Variants in CLPSL1 observed in about 807,000 individuals in gnomAD.
CLPSL1 encodes colipase-like protein 1.
Under a neutral mutation model 9.3 loss-of-function variants are expected in CLPSL1, and 13 were observed. The ratio of observed to expected loss-of-function variants is 1.40; its 90% CI spans 0.91 to 2.22. The LOEUF is 2.22. Ranked by LOEUF, CLPSL1 falls within the 30% of genes most tolerant of loss-of-function variation. The probability of loss-of-function intolerance (pLI) is 0.00; values close to 1 mark genes in which losing one functional copy is unlikely to be tolerated. For synonymous variants in CLPSL1, 58 were observed against 56.9 expected (o/e 1.02, Z -0.08); for missense variants, 164 against 146.6 (o/e 1.12, Z -0.61).
downstream of CLPSL1, chr6:35,793,743 G>A: frequency 2.7e-6 from 1 of 370,396 alleles, no homozygotes; most frequent in African/African-American, 2.1e-5. Context: ...GTTACAGGAG[G>A]ATTCATTGAT....
chr6:35,791,807 C>A (rs369887050), downstream of CLPSL1, among the ~76,000 whole-genome samples: 1 of 152,114 alleles, frequency 6.6e-6, no homozygotes, highest in Non-Finnish European at 1.5e-5. Context: ...GAGGCTCACA[C>A]CTATAATCCT....
downstream of CLPSL1, among the ~76,000 whole-genome samples, chr6:35,788,672 G>A (rs1426059736): frequency 6.6e-6 from 1 of 152,256 alleles, no homozygotes; most frequent in Non-Finnish European, 1.5e-5. Flanking sequence ...GGAGGCAAGA[G>A]AAAAGAGGGA....
downstream of CLPSL1, among the ~76,000 whole-genome samples, chr6:35,791,353 G>T (rs980075723): frequency 6.6e-6 from 1 of 152,276 alleles, no homozygotes; most frequent in Non-Finnish European, 1.5e-5. Flanking sequence ...GCTCACGCCT[G>T]TAATCCTAGC....
At chr6:35,789,022 C>T (rs2817011), downstream of CLPSL1, among the ~76,000 whole-genome samples, 1,493 of 151,908 alleles carry the variant, frequency 9.8e-3, 1 homozygote, top group African/African-American at 0.032. Context: ...GTACTTAGAA[C>T]GCCCCCTTGT....
chr6:35,783,248 C>T (rs368923689), intron 1 of CLPSL1, among the ~76,000 whole-genome samples: 63 of 152,268 alleles, frequency 4.1e-4, no homozygotes, highest in Admixed American at 3.7e-3. Context: ...CAGTGGCTCA[C>T]GCCTGTAATC....
At position 35,788,053 on chromosome 6, in the gene CLPSL1, C is replaced by T. The variant is rs756967714; in HGVS notation, c.*43C>T. 5.5e-6 allele frequency: 8 copies of T among 1,458,904 alleles called. No homozygotes were observed. The highest frequency in any genetic ancestry group is 7.7e-6 in the Non-Finnish European group (8 of 1,041,032). 90.4% of individuals were successfully genotyped at this position (1,458,904 alleles called of 1,614,324 possible). The stretch of plus-strand genomic sequence containing the variant: ...TGCCTCCTCCTCCTCCACCTGCTCT[C>T]CTCCCTACCCAGAGCTCTGTGTTCA... On this transcript the variant is annotated 3_prime_UTR_variant, in exon 3 of 3. Coordinates refer to ENST00000373861, the MANE Select transcript of CLPSL1 (RefSeq NM_001010886.5).
At position 35,785,174 on chromosome 6, in the gene CLPSL1, A is replaced by ATTTTT. The variant is rs34500810; in HGVS notation, c.100-1807_100-1803dup. Among the ~76,000 whole-genome samples the ATTTTT allele has an allele frequency of 1.3e-3, 148 of 115,692 alleles. 3 individuals are homozygous for ATTTTT. Among genetic ancestry groups the ATTTTT allele is most frequent in the Admixed American group, 0.011 (109 of 10,056 alleles). 75.9% of individuals were successfully genotyped at this position (115,692 alleles called of 152,430 possible). On this transcript the variant is annotated intron_variant, in intron 1 of 2. Coordinates refer to ENST00000373861, the MANE Select transcript of CLPSL1 (RefSeq NM_001010886.5). ...TTTCCTGTGGAGTGTGCCCCTGGAAATTTTTTTTTTTTTTTTTTTTTGAGA... is the reference window on the plus strand; with the variant it reads ...TTTCCTGTGGAGTGTGCCCCTGGAAATTTTTTTTTTTTTTTTTTTTTTTTTTGAGA...
In CLPSL1 at chr6:35,781,538, G is replaced by C. The variant is rs895889964; in HGVS notation, c.99+329G>C. Reference sequence around the variant, plus strand: ...TATGTAAATTATTTTTCTACATTTAGTGATAGGGCTGTGAGCAAGAAAGAT... The same window carrying C: ...TATGTAAATTATTTTTCTACATTTACTGATAGGGCTGTGAGCAAGAAAGAT... On this transcript the variant is annotated intron_variant, in intron 1 of 2. Coordinates refer to ENST00000373861, the MANE Select transcript of CLPSL1 (RefSeq NM_001010886.5). Among the ~76,000 whole-genome samples the C allele has an allele frequency of 2.0e-5, 3 of 152,100 alleles. No individual in the cohort carries two copies. The South Asian group carries it at 6.2e-4, about 32-fold the overall frequency.
chr6:35,789,697 C>T (rs150718742), downstream of CLPSL1, among the ~76,000 whole-genome samples: 1,577 of 152,094 alleles, frequency 0.01, 9 homozygotes, highest in East Asian at 0.035. Flanking sequence ...AGTTCGAGAC[C>T]AGCCTGGCCA....
In CLPSL1 at chr6:35,787,092, GGTCC is replaced by G. The variant is rs1561941313; in HGVS notation, c.196_199del (p.Ser66ArgfsTer23). 7 of 1,611,196 alleles carry G rather than the reference GGTCC, an allele frequency of 4.3e-6. No individual in the cohort carries two copies. Among genetic ancestry groups the G allele is most frequent in the Admixed American group, 3.4e-5 (2 of 59,422 alleles). On this transcript the variant is annotated frameshift_variant, in exon 2 of 3. Coordinates refer to ENST00000373861, the MANE Select transcript of CLPSL1 (RefSeq NM_001010886.5). LOFTEE classifies it low-confidence loss of function (END_TRUNC). ...TGCGAGTCGCACTGCGCGGAGAAGG[GGTCC>G]GAGGGCAGTCTGTGTCAAACGCAGG...
At chr6:35,789,268 C>A (rs1452972750), downstream of CLPSL1, among the ~76,000 whole-genome samples, 1 of 152,246 alleles carries the variant, frequency 6.6e-6, no homozygotes, top group Non-Finnish European at 1.5e-5. Flanking sequence ...GGGGAGAATA[C>A]AGAGCCCAGA....
intron 1 of CLPSL1, among the ~76,000 whole-genome samples, chr6:35,785,320 G>A (rs969404791): frequency 4.4e-4 from 67 of 151,962 alleles, no homozygotes; most frequent in African/African-American, 1.6e-3. Flanking sequence ...TGGGACTACA[G>A]GCACCCGCCA....
intron 1 of CLPSL1, among the ~76,000 whole-genome samples, chr6:35,781,654 C>G (rs1268994165): frequency 1.3e-5 from 2 of 151,490 alleles, no homozygotes; most frequent in Non-Finnish European, 2.9e-5. Context: ...TAGCATCTAT[C>G]TCAGGTGATA....
chr6:35,793,275 A>C (rs1768256370), intron 1 of CLPSL1, among the ~76,000 whole-genome samples: 1 of 152,246 alleles, frequency 6.6e-6, no homozygotes, highest in Admixed American at 6.5e-5. Flanking sequence ...AATGCAAAAA[A>C]TCAGCCAGGC....
chr6:35,786,694 G>A (rs1035731755), intron 1 of CLPSL1, among the ~76,000 whole-genome samples: 37 of 152,336 alleles, frequency 2.4e-4, no homozygotes, highest in Middle Eastern at 3.4e-3. Flanking sequence ...AGAAGGCTCT[G>A]CAGCAGAATG....
intron 1 of CLPSL1, among the ~76,000 whole-genome samples, chr6:35,782,059 G>GCCAGGGTGCT (rs1767977501): frequency 6.6e-6 from 1 of 152,076 alleles, no homozygotes; most frequent in African/African-American, 2.4e-5. Context: ...GCCAGGGTTT[G>GCCAGGGTGCT]CAGTTTTAAA....
chr6:35,783,300 C>G (rs564913305), intron 1 of CLPSL1, among the ~76,000 whole-genome samples: 1 of 152,224 alleles, frequency 6.6e-6, no homozygotes, highest in Non-Finnish European at 1.5e-5. Flanking sequence ...CACCTGACGT[C>G]AAGAGTTCGA....
downstream of CLPSL1, among the ~76,000 whole-genome samples, chr6:35,788,420 A>G (rs1768131968): frequency 6.6e-6 from 1 of 152,264 alleles, no homozygotes; most frequent in Non-Finnish European, 1.5e-5. Flanking sequence ...ACGACCTTAA[A>G]TTTCAGAAAT....
intron 1 of CLPSL1, among the ~76,000 whole-genome samples, chr6:35,783,621 AC>A (rs1386616531): frequency 2.0e-5 from 3 of 151,678 alleles, no homozygotes; most frequent in African/African-American, 7.3e-5. Context: ...CCTGGCTAAC[AC>A]AGTGAAACCC....
Sources: gnomAD v4.1 joint callset for allele counts (sites outside exome capture counted in the v4.1 genomes callset) on GRCh38, gnomAD v4.1.1 for gene constraint, MANE v1.5 for transcripts, NCBI Gene and HGNC (gene_info 2026-07-23, HGNC 2026-07-21) for gene names.